TRPC1: variants seen among roughly 807,000 people sequenced by gnomAD.
The protein encoded by TRPC1 is short transient receptor potential channel 1.
In TRPC1, 42 loss-of-function variants were observed where a neutral mutation model predicts 88.2. The ratio of observed to expected loss-of-function variants is 0.48; its 90% CI spans 0.37 to 0.62. The LOEUF is 0.62. TRPC1 is among the 20% of genes least tolerant of loss of function. The pLI is 0.00. For missense variants in TRPC1, 699 were observed against 957.3 expected, an observed-to-expected ratio of 0.73 and a Z score of 3.56; for synonymous variants, 288 against 331.8, an observed-to-expected ratio of 0.87 and a Z score of 1.43.
chr3:142,764,009 TATATATAA>T lies in TRPC1; in HGVS notation c.633-13622_633-13615del, dbSNP rs1560105065. 5.1e-3 allele frequency among the ~76,000 whole-genome samples: 649 copies of T among 126,812 alleles called. 59 individuals are homozygous for T. Among genetic ancestry groups the T allele is most frequent in the African/African-American group, 0.019 (603 of 32,164 alleles). The allele number at this position is 126,812 out of a possible 152,430, so 83.2% of individuals were successfully genotyped here. On this transcript the variant is annotated intron_variant, in intron 4 of 12. Coordinates refer to ENST00000476941, the MANE Select transcript of TRPC1 (RefSeq NM_001251845.2). ...ACACATACATACATACATATATATA[TATATATAA>T]CAAATTATTTTAAAGAGATGACACT...
intron 11 of TRPC1, 117 bp from the exon 12 acceptor site, chr3:142,804,319 G>C: frequency 8.7e-7 from 1 of 1,153,072 alleles, no homozygotes; most frequent in Non-Finnish European, 1.2e-6. Context: ...TAAAATGTAA[G>C]TAATGTATAA....
intron 5 of TRPC1, among the ~76,000 whole-genome samples, chr3:142,778,105 C>T (rs1332469785): frequency 6.6e-6 from 1 of 152,178 alleles, no homozygotes; most frequent in African/African-American, 2.4e-5. Flanking sequence ...CTCTCTCACA[C>T]ATATCTCCTC....
chr3:142,779,178 C>T (rs1935878588), intron 5 of TRPC1, among the ~76,000 whole-genome samples: 1 of 152,088 alleles, frequency 6.6e-6, no homozygotes. Context: ...CATAGAAACC[C>T]ATTTACTTCA....
intron 1 of TRPC1, among the ~76,000 whole-genome samples, chr3:142,735,534 C>T (rs568172679): frequency 1.3e-5 from 2 of 152,176 alleles, no homozygotes; most frequent in Admixed American, 6.5e-5. Flanking sequence ...TTGATTTATT[C>T]CCCATATTCC....
chr3:142,798,242 G>A (rs1056981469), intron 9 of TRPC1, among the ~76,000 whole-genome samples: 12 of 152,068 alleles, frequency 7.9e-5, no homozygotes, highest in African/African-American at 2.9e-4. Context: ...TTAGAACCAG[G>A]ACTTGGTGTT....
At chr3:142,796,370 T>C (rs1936451340) in intron 9 of TRPC1, among the ~76,000 whole-genome samples, 1 of 152,160 alleles carries the variant, frequency 6.6e-6, no homozygotes, top group South Asian at 2.1e-4. Flanking sequence ...TCAAGTCACA[T>C]GTTTCAAATG....
chr3:142,782,134 CAAAG>C (rs1314642165), intron 6 of TRPC1, among the ~76,000 whole-genome samples: 4 of 151,906 alleles, frequency 2.6e-5, no homozygotes, highest in Admixed American at 6.6e-5. Context: ...AAAAGAACCT[CAAAG>C]AAAGGCGTAA....
At chr3:142,754,323 T>C (rs186743710) in intron 4 of TRPC1, among the ~76,000 whole-genome samples, 2 of 152,098 alleles carry the variant, frequency 1.3e-5, no homozygotes, top group African/African-American at 4.8e-5. Context: ...TATCTATTAG[T>C]GGAAGACAAA....
chr3:142,803,434 A>G (rs1484289945), intron 10 of TRPC1, among the ~76,000 whole-genome samples: 1 of 152,136 alleles, frequency 6.6e-6, no homozygotes, highest in Non-Finnish European at 1.5e-5. Context: ...GAAGTCAGAA[A>G]GGTAATGGGG....
chr3:142,769,055 C>T (rs1262815333), intron 4 of TRPC1, among the ~76,000 whole-genome samples: 1 of 152,080 alleles, frequency 6.6e-6, no homozygotes, highest in Non-Finnish European at 1.5e-5. Flanking sequence ...TCAGCTTTAG[C>T]ATTCTCAGTA....
intron 4 of TRPC1, among the ~76,000 whole-genome samples, chr3:142,766,970 A>G (rs1935416419): frequency 6.6e-6 from 1 of 152,186 alleles, no homozygotes; most frequent in South Asian, 2.1e-4. Context: ...AAAGTTTGAA[A>G]TCAGTTGTCA....
intron 4 of TRPC1, among the ~76,000 whole-genome samples, chr3:142,757,446 C>T (rs1432759487): frequency 1.3e-5 from 2 of 152,094 alleles, no homozygotes; most frequent in Non-Finnish European, 2.9e-5. Flanking sequence ...AAATGTGGCA[C>T]ATATATACCC....
At chr3:142,787,988 A>T (rs1577999977) in intron 7 of TRPC1, among the ~76,000 whole-genome samples, 1 of 152,300 alleles carries the variant, frequency 6.6e-6, no homozygotes, top group African/African-American at 2.4e-5. Context: ...GTCTGAGTAA[A>T]GGCTAACATT....
At chr3:142,791,237 A>T in intron 8 of TRPC1, 79 bp downstream of exon 8, 11 of 1,269,066 alleles carry the variant, frequency 8.7e-6, no homozygotes, top group African/African-American at 1.5e-5. Flanking sequence ...TATGTAACTC[A>T]GAGTTACATT....
At chr3:142,784,555 G>GCCC (rs1325076174) in intron 6 of TRPC1, 149 bp from the exon 7 acceptor site, 1 of 650,346 alleles carries the variant, frequency 1.5e-6, no homozygotes, top group East Asian at 2.8e-5. Context: ...TGCTTTTATT[G>GCCC]TTAGAAAAAG....
chr3:142,724,609 C>T lies in TRPC1; in HGVS notation c.50C>T (p.Ser17Phe), dbSNP rs770125446. Residue 17 changes from serine to phenylalanine, a missense_variant, in exon 1 of 13, where the codon TCC (serine) becomes TTC (phenylalanine). Around this residue, in one of 4 missense-constraint regions of TRPC1, gnomAD observed 157 missense variants for 127.0 expected, o/e 1.24. Coordinates refer to ENST00000476941, the MANE Select transcript of TRPC1 (RefSeq NM_001251845.2). The surrounding 1 kb of genome is among the most constrained non-coding windows in gnomAD (Gnocchi z 5.6). ...ACGGACCTCTCGGGCGCCTCCTCCT[C>T]CTCCCTGCCTTCCTCTCCATCCTCT... ...PSTDLSGASS[S>F]SLPSSPSSSS... 9 of 1,609,356 alleles carry T rather than the reference C, an allele frequency of 5.6e-6. No individual in the cohort carries two copies. Among genetic ancestry groups the T allele is most frequent in the African/African-American group, 4.0e-5 (3 of 74,538 alleles).
At chr3:142,760,017 G>A (rs1353463601) in intron 4 of TRPC1, among the ~76,000 whole-genome samples, 1 of 151,986 alleles carries the variant, frequency 6.6e-6, no homozygotes, top group Non-Finnish European at 1.5e-5. Context: ...TAGTGGAGAT[G>A]GGGTTTCGCT....
intron 4 of TRPC1, among the ~76,000 whole-genome samples, chr3:142,761,564 G>C (rs937574489): frequency 6.6e-6 from 1 of 152,112 alleles, no homozygotes; most frequent in East Asian, 1.9e-4. Flanking sequence ...TATGGTTTTG[G>C]TATCAGGGTA....
intron 1 of TRPC1, among the ~76,000 whole-genome samples, chr3:142,725,996 A>G (rs1353309010): frequency 6.6e-6 from 1 of 152,182 alleles, no homozygotes; most frequent in East Asian, 1.9e-4. Context: ...TACACCATGG[A>G]CACAACTTTG....
Sources: gnomAD v4.1 joint callset for allele counts (sites outside exome capture counted in the v4.1 genomes callset) on GRCh38, gnomAD v4.1.1 for gene constraint, gnomAD v4.1.1 regional missense constraint, Gnocchi (gnomAD v3.1) non-coding constraint, MANE v1.5 for transcripts, NCBI Gene and HGNC (gene_info 2026-07-23, HGNC 2026-07-21) for gene names.